Variants in HBS1L observed in about 807,000 individuals in gnomAD.
HBS1L encodes HBS1-like protein.
Under a neutral mutation model 88.9 loss-of-function variants are expected in HBS1L, and 55 were observed. The observed-to-expected ratio is 0.62, with a 90% CI of 0.50 to 0.77. The LOEUF (loss-of-function observed/expected upper bound fraction) is 0.77. Ranked by LOEUF, HBS1L falls within the 30% of genes least tolerant of loss-of-function variation. The probability of loss-of-function intolerance (pLI) is 0.00; values close to 1 mark genes in which losing one functional copy is unlikely to be tolerated. For missense variants in HBS1L, 741 were observed against 829.3 expected, an observed-to-expected ratio of 0.89 and a Z score of 1.31; for synonymous variants, 267 against 288.5, an observed-to-expected ratio of 0.93 and a Z score of 0.76.
chr6:134,966,913 A>G (rs2114739839), intron 16 of HBS1L, among the ~76,000 whole-genome samples: 1 of 147,526 alleles, frequency 6.8e-6, no homozygotes, highest in Admixed American at 6.6e-5. Flanking sequence ...TAAAACTGTA[A>G]TTTATGGAAT....
chr6:135,039,652 T>A lies in HBS1L; in HGVS notation c.351A>T (p.Ser117=). The change falls in exon 4 of 18, where the codon TCA becomes TCT. Residue 117 remains serine (S), a synonymous_variant. Transcript: ENST00000367837. ...GCACTCTATCTTGTTCCAGAACCCC[T>A]GACAAAGCCTTCTGCACATCAAACT... ...KNKFDVQKAL[S]GVLEQDRVQS... 1 of 1,614,142 alleles carries A rather than the reference T, an allele frequency of 6.2e-7. No individual in the cohort carries two copies. Among genetic ancestry groups the A allele is most frequent in the Non-Finnish European group, 8.5e-7 (1 of 1,180,008 alleles).
rs1562323917 is a variant in HBS1L, at chr6:135,054,801, G to A, written c.-110C>T. On this transcript the variant is annotated 5_prime_UTR_variant, in exon 1 of 18. Coordinates refer to ENST00000367837, the MANE Select transcript of HBS1L (RefSeq NM_006620.4). ...TGGAGAACCCCTATGCGCCATCTTGGCTTCCCGCAGGCCTCTGCGCCGAGC... is the reference window on the plus strand; with the variant it reads ...TGGAGAACCCCTATGCGCCATCTTGACTTCCCGCAGGCCTCTGCGCCGAGC... The A allele has an allele frequency of 9.7e-6, 13 of 1,343,976 alleles. No homozygotes were observed. Among genetic ancestry groups the A allele is most frequent in the East Asian group, 2.5e-5 (1 of 40,574 alleles). 83.3% of individuals were successfully genotyped at this position (1,343,976 alleles called of 1,614,324 possible).
In HBS1L at chr6:134,986,818, A is replaced by G. The variant is rs762115105; in HGVS notation, c.1231-8T>C. 1 of 1,488,452 alleles carries G rather than the reference A, an allele frequency of 6.7e-7. No homozygotes were observed. The allele number at this position is 1,488,452 out of a possible 1,614,324, so 92.2% of individuals were successfully genotyped here. A position where few individuals can be genotyped will look rare whatever the true frequency, so the allele number is the denominator to read the frequency against. ...TTCTTGTTGCCAATTAACCTGATAA[A>G]GATCCAATTTATTTTTAAAACTATC... is the stretch of plus-strand genomic sequence containing the variant. On this transcript the variant is annotated splice_polypyrimidine_tract_variant and splice_region_variant and intron_variant, in intron 9 of 17. Transcript: ENST00000367837.
rs372110643 is a variant in HBS1L at position 134,966,977 on chromosome 6, T to G, written c.1899-504A>C. On this transcript the variant is annotated intron_variant, in intron 16 of 17. Transcript: ENST00000367837. ...ACAATCAATCTGTTGTTGCTAAGAT[T>G]CCCCTCAATCAATCAAGCAATCTCT... Among the ~76,000 whole-genome samples the G allele has an allele frequency of 3.3e-3, 509 of 152,148 alleles. 2 individuals are homozygous for G. The highest frequency in any genetic ancestry group is 0.011 in the African/African-American group (475 of 41,494).
chr6:134,978,072 A>C (rs28510628), intron 15 of HBS1L, among the ~76,000 whole-genome samples: 8 of 152,012 alleles, frequency 5.3e-5, no homozygotes, highest in Admixed American at 3.3e-4. Context: ...AGCACAACTG[A>C]ATGTCTAGGA....
In HBS1L at chr6:135,011,242, AG is replaced by A. The variant is rs1343671097; in HGVS notation, c.431-8401del. On this transcript the variant is annotated intron_variant, in intron 4 of 17. Transcript: ENST00000367837. The stretch of plus-strand genomic sequence containing the variant: ...TAAAAATTTCTGCCTGACTAGGCGC[AG>A]GGGCTCATGCCTACAAATCCCAGCA... Among the ~76,000 whole-genome samples, 3 of 152,342 alleles carry A rather than the reference AG, an allele frequency of 2.0e-5. No homozygotes were observed. In the East Asian group the frequency reaches 5.8e-4, roughly 29 times the overall value.
At chr6:134,997,118 CGG>C (rs2114804433) in intron 6 of HBS1L, among the ~76,000 whole-genome samples, 176 bp from the exon 7 acceptor site, 1 of 152,070 alleles carries the variant, frequency 6.6e-6, no homozygotes, top group African/African-American at 2.4e-5. Context: ...TCTTTACAGA[CGG>C]GGGGAATTTC....
rs1774174778 is a variant in HBS1L at position 134,961,055 on chromosome 6, T to C, written c.*4224A>G. On this transcript the variant is annotated 3_prime_UTR_variant, in exon 18 of 18. Coordinates refer to ENST00000367837, the MANE Select transcript of HBS1L (RefSeq NM_006620.4). ...GTCTTCATTTAATTTTCTTGTTTCC[T>C]TTCCATCTTTTGCTGTACAGACTTA... 1.3e-5 allele frequency: 2 copies of C among 151,532 alleles called. No homozygotes were observed. The highest frequency in any genetic ancestry group is 1.3e-4 in the Admixed American group (2 of 15,228). 9.4% of individuals were successfully genotyped at this position (151,532 alleles called of 1,614,324 possible). A position where few individuals can be genotyped will look rare whatever the true frequency, so the allele number is the denominator to read the frequency against.
intron 2 of HBS1L, among the ~76,000 whole-genome samples, chr6:135,043,811 A>G (rs1240401976): frequency 6.6e-6 from 1 of 152,224 alleles, no homozygotes; most frequent in Non-Finnish European, 1.5e-5. Context: ...GTTCTACTAT[A>G]ATGCACGTTT....
At chr6:135,029,362 C>T (rs970158356) in intron 4 of HBS1L, among the ~76,000 whole-genome samples, 5 of 151,220 alleles carry the variant, frequency 3.3e-5, no homozygotes, top group African/African-American at 1.2e-4. Flanking sequence ...TGGATCCACA[C>T]ATATACATAC....
chr6:135,021,256 C>T (rs1389507072), intron 4 of HBS1L, among the ~76,000 whole-genome samples: 1 of 152,016 alleles, frequency 6.6e-6, no homozygotes, highest in African/African-American at 2.4e-5. Context: ...TGCTTAAATG[C>T]ATCAAAATGC....
intron 4 of HBS1L, among the ~76,000 whole-genome samples, chr6:135,025,367 CAA>C (rs772014289): frequency 6.6e-6 from 1 of 152,148 alleles, no homozygotes; most frequent in Non-Finnish European, 1.5e-5. Context: ...AAGGACCCAA[CAA>C]AAGAGTCATC....
intron 4 of HBS1L, chr6:135,035,919 A>C (rs1182514659): frequency 1.6e-6 from 1 of 627,994 alleles, no homozygotes; most frequent in African/African-American, 2.0e-5. Flanking sequence ...GTTTTTAAAA[A>C]TGTATAAAAA....
At chr6:134,969,478 C>T in intron 15 of HBS1L, 140 bp from the exon 16 acceptor site, 1 of 624,044 alleles carries the variant, frequency 1.6e-6, no homozygotes, top group Non-Finnish European at 2.9e-6. Flanking sequence ...CCTCTAAGTC[C>T]CACCACTCTA....
rs1774951622 is a variant in HBS1L, at chr6:134,985,415, A to G, written c.1424-6T>C. 1 of 1,586,544 alleles carries G rather than the reference A, an allele frequency of 6.3e-7. No homozygotes were observed. The highest frequency in any genetic ancestry group is 2.2e-5 in the East Asian group (1 of 44,536). ...CTGGGGAGGCTTAAAGGAATCTGGA[A>G]AAAAGAAATTGCAAAAGGCAAGGTT... On this transcript the variant is annotated splice_polypyrimidine_tract_variant and splice_region_variant and intron_variant, in intron 11 of 17. Transcript: ENST00000367837.
At chr6:135,043,347 T>C (rs1387272476) in intron 2 of HBS1L, among the ~76,000 whole-genome samples, 1 of 152,258 alleles carries the variant, frequency 6.6e-6, no homozygotes, top group African/African-American at 2.4e-5. Context: ...ACAAAACATG[T>C]TAAGTTCATT....
Position 134,969,261 on chromosome 6 carries a change from A to T in HBS1L, c.1875T>A (p.Gly625=). The change falls in exon 16 of 18, where the codon GGT becomes GGA. Residue 625 remains glycine (G), a synonymous_variant. Transcript: ENST00000367837. ...ACTTAGGCTTTTTCTTTGTGACTTC[A>T]CCCGTGCTTTTGTTTAAGACACTAA... The part of the protein sequence containing the change: ...RLISVLNKST[G]EVTKKKPKFL... 6.2e-7 allele frequency: 1 copy of T among 1,612,630 alleles called. No homozygotes were observed. The highest frequency in any genetic ancestry group is 2.2e-5 in the East Asian group (1 of 44,830).
chr6:134,989,660 T>C (rs944668344), intron 8 of HBS1L, among the ~76,000 whole-genome samples: 1 of 152,242 alleles, frequency 6.6e-6, no homozygotes, highest in Non-Finnish European at 1.5e-5. Context: ...GTACTAACCA[T>C]ACACTTTGGT....
intron 4 of HBS1L, among the ~76,000 whole-genome samples, chr6:135,010,695 C>G (rs1775749995): frequency 6.6e-6 from 1 of 152,068 alleles, no homozygotes; most frequent in African/African-American, 2.4e-5. Flanking sequence ...TAAGAATGAT[C>G]TGGTAGAACA....
Sources: allele counts gnomAD v4.1 joint callset (sites outside exome capture counted in the v4.1 genomes callset), GRCh38; gene constraint gnomAD v4.1.1; transcripts MANE v1.5; gene names NCBI Gene and HGNC (gene_info 2026-07-23, HGNC 2026-07-21).